SEMA4D: variants seen among roughly 807,000 people sequenced by gnomAD.
SEMA4D encodes semaphorin-4D.
In SEMA4D, 22 loss-of-function variants were observed where a neutral mutation model predicts 74.8. The observed-to-expected ratio is 0.29, with a 90% confidence interval of 0.21 to 0.42. SEMA4D has a LOEUF of 0.42. Among genes scored for constraint, SEMA4D ranks in the 10% least tolerant of loss-of-function variants. The pLI is 1.00. For missense variants in SEMA4D, 937 were observed against 1,118.4 expected, an observed-to-expected ratio of 0.84 and a Z score of 2.31; for synonymous variants, 445 against 463.7, an observed-to-expected ratio of 0.96 and a Z score of 0.52.
intron 2 of SEMA4D, among the ~76,000 whole-genome samples, chr9:89,414,317 G>A (rs1001033842): frequency 7.9e-5 from 12 of 152,192 alleles, no homozygotes; most frequent in South Asian, 2.1e-4. Flanking sequence ...CTGGGGGAGC[G>A]TGTTCTGGCT....
chr9:89,484,838 GGTGT>G lies in SEMA4D; in HGVS notation c.-310+13077_-310+13080del, dbSNP rs1825037898. Among the ~76,000 whole-genome samples, 1 of 150,760 alleles carries G rather than the reference GGTGT, an allele frequency of 6.6e-6. No individual in the cohort carries two copies. Among genetic ancestry groups the G allele is most frequent in the Non-Finnish European group, 1.5e-5 (1 of 67,590 alleles). On this transcript the variant is annotated intron_variant, in intron 1 of 15. Coordinates refer to ENST00000422704, the MANE Select transcript of SEMA4D (RefSeq NM_001371194.2). This position sits in a 1 kb window ranked among gnomAD's most constrained non-coding sequence, Gnocchi z 4.1. ...TGTGTGGTGTGTGGATGTATTGTGT[GGTGT>G]GTGTGTAATGTGTGTATACTGGGTG... is the stretch of plus-strand genomic sequence containing the variant.
chr9:89,436,821 C>G (rs868688163), intron 2 of SEMA4D, among the ~76,000 whole-genome samples: 2 of 152,246 alleles, frequency 1.3e-5, no homozygotes, highest in African/African-American at 4.8e-5. Flanking sequence ...GGGCAAGCTC[C>G]TGGGTGCCTG....
chr9:89,445,194 G>C (rs1021204686), intron 2 of SEMA4D, among the ~76,000 whole-genome samples: 1 of 152,210 alleles, frequency 6.6e-6, no homozygotes, highest in Non-Finnish European at 1.5e-5. Flanking sequence ...GATCTTTTCA[G>C]AAACGGATCC....
intron 6 of SEMA4D, among the ~76,000 whole-genome samples, chr9:89,395,677 C>A (rs1466349587): frequency 1.3e-5 from 2 of 152,056 alleles, no homozygotes; most frequent in African/African-American, 4.8e-5. Context: ...AGCACCCCCA[C>A]CCCCTATCAG....
chr9:89,399,088 A>AC (rs1184659975), intron 5 of SEMA4D, among the ~76,000 whole-genome samples, 188 bp downstream of exon 5: 1 of 152,194 alleles, frequency 6.6e-6, no homozygotes, highest in African/African-American at 2.4e-5. Context: ...GCTTTGAGAA[A>AC]CCCAATCCTG....
intron 2 of SEMA4D, among the ~76,000 whole-genome samples, chr9:89,448,162 A>G (rs1853432469): frequency 6.6e-6 from 1 of 152,064 alleles, no homozygotes; most frequent in African/African-American, 2.4e-5. Context: ...TTTTATAGAG[A>G]TGAGGGTCTC....
Position 89,379,274 on chromosome 9 carries a change from C to G in SEMA4D, c.2019G>C (p.Leu673Phe). 6.2e-7 allele frequency: 1 copy of G among 1,613,956 alleles called. No individual in the cohort carries two copies. Among genetic ancestry groups the G allele is most frequent in the Non-Finnish European group, 8.5e-7 (1 of 1,179,984 alleles). ...TEGSRIATKV[L>F]VASTQGSSPP... Reference sequence around the variant, plus strand: ...GAGAAGACCCTTGGGTGGATGCCACCAACACTTTGGTGGCAATCCTACTAC... The same window carrying G: ...GAGAAGACCCTTGGGTGGATGCCACGAACACTTTGGTGGCAATCCTACTAC... The change falls in exon 16 of 16, where the codon TTG (leucine) becomes TTC (phenylalanine). Residue 673 changes from leucine (L) to phenylalanine (F), a missense_variant. Coordinates refer to ENST00000422704, the MANE Select transcript of SEMA4D (RefSeq NM_001371194.2).
intron 1 of SEMA4D, among the ~76,000 whole-genome samples, chr9:89,491,571 A>AAACAACAAC (rs35705317): frequency 0.01 from 1,538 of 150,758 alleles, 23 homozygotes; most frequent in African/African-American, 0.035. Flanking sequence ...TCTGTCTCAA[A>AAACAACAAC]AACAACAACA....
rs1415668076 is a variant in SEMA4D at position 89,371,118 on chromosome 9, T to G, written c.1882+5715A>C. ...GGTGTATAAGGTGTGTGTGGGGGGG[T>G]GTGGTGTGTATGTCTGGGGTGTGGG... On this transcript the variant is annotated intron_variant, in intron 16 of 18. Coordinates refer to the SEMA4D transcript ENST00000339861. Among the ~76,000 whole-genome samples, 88 of 13,506 alleles carry G rather than the reference T, an allele frequency of 6.5e-3. 2 individuals carry two copies. Among genetic ancestry groups the G allele is most frequent in the Non-Finnish European group, 7.3e-3 (56 of 7,692 alleles). The allele number at this position is 13,506 out of a possible 152,430, so 8.9% of individuals were successfully genotyped here. A position where few individuals can be genotyped will look rare whatever the true frequency, so the allele number is the denominator to read the frequency against.
At chr9:89,362,378 G>T (rs750966998) in exon 19 of SEMA4D, 1 of 1,614,108 alleles carries the variant, frequency 6.2e-7, no homozygotes, top group South Asian at 1.1e-5. Flanking sequence ...GTTGAGGTCG[G>T]TGTCAGGGAC....
At chr9:89,427,391 T>G (rs1489625177) in intron 2 of SEMA4D, among the ~76,000 whole-genome samples, 1 of 152,130 alleles carries the variant, frequency 6.6e-6, no homozygotes, top group East Asian at 1.9e-4. Flanking sequence ...GTGAGATGCC[T>G]GTATCAGAAA....
intron 1 of SEMA4D, among the ~76,000 whole-genome samples, chr9:89,473,892 A>C (rs184116791): frequency 3.3e-5 from 5 of 152,248 alleles, no homozygotes; most frequent in African/African-American, 9.6e-5. Context: ...CAAAAAGAAG[A>C]AAGAAGTGAA....
intron 2 of SEMA4D, among the ~76,000 whole-genome samples, chr9:89,443,715 A>C (rs923495745): frequency 6.6e-6 from 1 of 151,808 alleles, no homozygotes; most frequent in Admixed American, 6.6e-5. Context: ...GGCACCTGAA[A>C]CTCTCTACCC....
At chr9:89,420,972 A>G (rs1256134942) in intron 2 of SEMA4D, among the ~76,000 whole-genome samples, 2 of 152,264 alleles carry the variant, frequency 1.3e-5, no homozygotes, top group African/African-American at 4.8e-5. Context: ...AAATGAAGCC[A>G]GTTATATCTG....
chr9:89,473,446 A>G (rs1380054019), intron 1 of SEMA4D, among the ~76,000 whole-genome samples: 1 of 151,432 alleles, frequency 6.6e-6, no homozygotes, highest in Admixed American at 6.6e-5. Context: ...AAAAATTTAA[A>G]AACTAGCCAG....
At chr9:89,376,669 C>T (rs931006610), downstream of SEMA4D, 32 of 1,023,500 alleles carry the variant, frequency 3.1e-5, no homozygotes, top group Non-Finnish European at 4.3e-5. Context: ...TCGGGATGGA[C>T]CCACAATGAA....
At chr9:89,372,282 C>A (rs1179066716), downstream of SEMA4D, among the ~76,000 whole-genome samples, 2 of 41,448 alleles carry the variant, frequency 4.8e-5, no homozygotes, top group Non-Finnish European at 4.3e-5. Flanking sequence ...TGGTGTGTGT[C>A]GGGGGTGTGT....
chr9:89,382,532 G>C (rs1184216231), intron 13 of SEMA4D, among the ~76,000 whole-genome samples: 1 of 152,096 alleles, frequency 6.6e-6, no homozygotes. Context: ...CCCAAGGATG[G>C]AAACTGTGAT....
intron 2 of SEMA4D, among the ~76,000 whole-genome samples, chr9:89,407,632 A>G (rs1340098554): frequency 6.6e-6 from 1 of 152,152 alleles, no homozygotes; most frequent in Non-Finnish European, 1.5e-5. Flanking sequence ...CCCCATGTGA[A>G]ATGTTTCAAC....
Sources: gnomAD v4.1 joint callset for allele counts (sites outside exome capture counted in the v4.1 genomes callset) on GRCh38, gnomAD v4.1.1 for gene constraint, Gnocchi (gnomAD v3.1) non-coding constraint, MANE v1.5 for transcripts, NCBI Gene and HGNC (gene_info 2026-07-23, HGNC 2026-07-21) for gene names.